The following PHKB variants were observed in gnomAD, a reference collection of about 807,000 sequenced individuals.
The protein encoded by PHKB is phosphorylase b kinase regulatory subunit beta.
In PHKB, 122 loss-of-function variants were observed where a neutral mutation model predicts 152.1. That is an observed-to-expected ratio of 0.80 (90% CI 0.69 to 0.93). PHKB has a LOEUF of 0.93. PHKB is among the 40% of genes least tolerant of loss of function. The pLI, the probability that PHKB is intolerant of heterozygous loss-of-function variation, is 0.00. For missense variants in PHKB, 1,304 were observed against 1,328.4 expected (o/e 0.98, Z 0.29); for synonymous variants, 436 against 464.9 (o/e 0.94, Z 0.80).
intron 26 of PHKB, among the ~76,000 whole-genome samples, chr16:47,671,679 C>T (rs1036533959): frequency 6.6e-6 from 1 of 152,148 alleles, no homozygotes; most frequent in South Asian, 2.1e-4. Flanking sequence ...CGTAATTCAT[C>T]AGTTCTCATC....
chr16:47,544,424 A>G (rs138524415), intron 6 of PHKB, among the ~76,000 whole-genome samples: 1,902 of 152,258 alleles, frequency 0.012, 50 homozygotes, highest in African/African-American at 0.043. Flanking sequence ...ATCCTGAGTC[A>G]TAAGTTGATC....
At chr16:47,471,807 T>C (rs1271738733) in intron 1 of PHKB, among the ~76,000 whole-genome samples, 1 of 152,308 alleles carries the variant, frequency 6.6e-6, no homozygotes, top group East Asian at 1.9e-4. Context: ...TTAAGGTGCA[T>C]ATATACAAAT....
chr16:47,635,378 T>C (rs969622426), intron 14 of PHKB, among the ~76,000 whole-genome samples: 1 of 152,232 alleles, frequency 6.6e-6, no homozygotes. Context: ...TAATTTAATA[T>C]AGCCACCTGA....
intron 13 of PHKB, among the ~76,000 whole-genome samples, chr16:47,604,424 TAC>T (rs370668631): frequency 5.2e-4 from 79 of 151,414 alleles, no homozygotes; most frequent in African/African-American, 1.7e-3. Flanking sequence ...CTAAAATGCA[TAC>T]ACACACACAC....
rs1971554585 is a variant in PHKB at position 47,565,756 on chromosome 16, T to G, written c.711-14539T>G. ...GGCTCATCCAGCTGATGCTGCAACT[T>G]CTCTTGTTCCTTCTGTAGCTGTTCT... On this transcript the variant is annotated intron_variant, in intron 7 of 30. Coordinates refer to ENST00000323584, the MANE Select transcript of PHKB (RefSeq NM_000293.3). The G allele has an allele frequency of 8.0e-6, 12 of 1,504,370 alleles. No individual in the cohort carries two copies. The Admixed American group carries it at 1.2e-4, about 15-fold the overall frequency. 93.2% of individuals were successfully genotyped at this position (1,504,370 alleles called of 1,614,324 possible). A position where few individuals can be genotyped will look rare whatever the true frequency, so the allele number is the denominator to read the frequency against.
chr16:47,694,587 A>G (rs1974116402), intron 28 of PHKB, among the ~76,000 whole-genome samples: 1 of 152,222 alleles, frequency 6.6e-6, no homozygotes, highest in Non-Finnish European at 1.5e-5. Context: ...TATTAAAAAA[A>G]ATGCATAAAA....
intron 26 of PHKB, among the ~76,000 whole-genome samples, chr16:47,685,953 G>A (rs1203339596): frequency 5.9e-5 from 9 of 152,106 alleles, no homozygotes; most frequent in African/African-American, 2.2e-4. Flanking sequence ...GTGTTAGCCA[G>A]GATGGTCTCA....
At chr16:47,471,068 G>T (rs1454746312) in intron 1 of PHKB, among the ~76,000 whole-genome samples, 1 of 152,110 alleles carries the variant, frequency 6.6e-6, no homozygotes, top group Non-Finnish European at 1.5e-5. Flanking sequence ...ACCCTTAAGT[G>T]GTTACTTAAC....
chr16:47,603,639 G>A (rs1972273692), intron 13 of PHKB, among the ~76,000 whole-genome samples: 1 of 151,534 alleles, frequency 6.6e-6, no homozygotes, highest in Admixed American at 6.6e-5. Flanking sequence ...AAGTAGCTGG[G>A]GCTACAGGTG....
intron 14 of PHKB, among the ~76,000 whole-genome samples, chr16:47,619,787 G>A (rs1482378239): frequency 6.6e-6 from 1 of 152,194 alleles, no homozygotes; most frequent in African/African-American, 2.4e-5. Context: ...TCAAACTTGG[G>A]AGAGCTCTGG....
At chr16:47,548,652 G>A (rs1004299171) in intron 7 of PHKB, among the ~76,000 whole-genome samples, 1 of 151,022 alleles carries the variant, frequency 6.6e-6, no homozygotes, top group Non-Finnish European at 1.5e-5. Context: ...TGGTTGAGAG[G>A]AACCCAAAGT....
At chr16:47,596,305 AT>A in intron 12 of PHKB, 67 bp from the exon 13 acceptor site, 1 of 1,118,266 alleles carries the variant, frequency 8.9e-7, no homozygotes, top group Non-Finnish European at 1.3e-6. Flanking sequence ...GTATATCTTT[AT>A]TAGTAGCATG....
chr16:47,634,778 A>T (rs997461741), intron 14 of PHKB, among the ~76,000 whole-genome samples: 17 of 152,188 alleles, frequency 1.1e-4, no homozygotes, highest in Admixed American at 1.1e-3. Flanking sequence ...GGTGAAGAAG[A>T]GAAGGGAGAA....
chr16:47,576,858 T>C (rs959999760), intron 7 of PHKB, among the ~76,000 whole-genome samples: 2 of 152,156 alleles, frequency 1.3e-5, no homozygotes, highest in Non-Finnish European at 2.9e-5. Flanking sequence ...TTGAGGGGAC[T>C]TTTTTATAGA....
At chr16:47,671,886 C>T (rs971714786) in intron 26 of PHKB, among the ~76,000 whole-genome samples, 1 of 151,890 alleles carries the variant, frequency 6.6e-6, no homozygotes, top group Admixed American at 6.6e-5. Flanking sequence ...TCCTATATAC[C>T]GACATTTATG....
At chr16:47,569,184 A>T (rs1971616778) in intron 7 of PHKB, among the ~76,000 whole-genome samples, 1 of 152,150 alleles carries the variant, frequency 6.6e-6, no homozygotes, top group African/African-American at 2.4e-5. Context: ...AATTTGTTTG[A>T]TGACTATGGG....
At chr16:47,544,851 C>G (rs1342448079) in intron 6 of PHKB, among the ~76,000 whole-genome samples, 2 of 152,246 alleles carry the variant, frequency 1.3e-5, no homozygotes, top group African/African-American at 4.8e-5. Context: ...TATGTAATGG[C>G]CTTCTTTGTC....
chr16:47,508,697 T>C (rs1024109220), intron 4 of PHKB, among the ~76,000 whole-genome samples: 1 of 152,180 alleles, frequency 6.6e-6, no homozygotes, highest in Non-Finnish European at 1.5e-5. Context: ...TTTATTTTAG[T>C]CTAGAAACTT....
chr16:47,538,298 G>A (rs1970989651), intron 6 of PHKB, among the ~76,000 whole-genome samples: 1 of 152,224 alleles, frequency 6.6e-6, no homozygotes, highest in Non-Finnish European at 1.5e-5. Context: ...CATCATGAAA[G>A]TGAGCAGGTT....
Sources: allele counts gnomAD v4.1 joint callset (sites outside exome capture counted in the v4.1 genomes callset), GRCh38; gene constraint gnomAD v4.1.1; transcripts MANE v1.5; gene names NCBI Gene and HGNC (gene_info 2026-07-23, HGNC 2026-07-21).